The following NBPF9 variants were observed in gnomAD, a reference collection of about 807,000 sequenced individuals.
NBPF9 encodes NBPF member 9.
A neutral mutation model predicts 97.8 loss-of-function variants in NBPF9; 91 were observed. The observed-to-expected ratio is 0.93, with a 90% CI of 0.79 to 1.11. The LOEUF is 1.11. NBPF9 is among the 50% of genes least tolerant of loss of function. NBPF9 has a pLI of 0.00. For synonymous variants in NBPF9, 334 were observed against 359.5 expected, an observed-to-expected ratio of 0.93 and a Z score of 0.80; for missense variants, 992 against 939.5, an observed-to-expected ratio of 1.06 and a Z score of -0.73.
rs587667177 is a variant in NBPF9, at chr1:149,063,548, C to G, written c.2026+85G>C. On this transcript the variant is annotated intron_variant, in intron 20 of 29. Coordinates refer to ENST00000584027, the Ensembl canonical transcript of NBPF9. ...TCCCTGTGGCAATGACATCTCTCAGCTCAGTAACGGCCACTTGCAGTAGGA... is the reference window on the plus strand; with the variant it reads ...TCCCTGTGGCAATGACATCTCTCAGGTCAGTAACGGCCACTTGCAGTAGGA... The G allele has an allele frequency of 5.8e-4, 403 of 699,896 alleles. 129 individuals carry two copies. The East Asian group carries it at 0.015, about 26-fold the overall frequency. The allele number at this position is 699,896 out of a possible 1,614,324, so 43.4% of individuals were successfully genotyped here. A position where few individuals can be genotyped will look rare whatever the true frequency, so the allele number is the denominator to read the frequency against.
At chr1:149,068,886 C>T (rs320827) in intron 17 of NBPF9, among the ~76,000 whole-genome samples, 44,054 of 146,132 alleles carry the variant, frequency 0.3, 5,121 homozygotes, top group Non-Finnish European at 0.34. Flanking sequence ...GTAAAGCACT[C>T]GTCAGCAAAT....
At chr1:149,064,838 G>C in intron 18 of NBPF9, 1 of 544,070 alleles carries the variant, frequency 1.8e-6, no homozygotes, top group South Asian at 2.1e-5. Flanking sequence ...CAAATACCCA[G>C]AATTTGATAG....
intron 16 of NBPF9, among the ~76,000 whole-genome samples, chr1:149,070,536 C>A (rs2079320595): frequency 6.6e-6 from 1 of 150,426 alleles, no homozygotes; most frequent in African/African-American, 2.4e-5. Context: ...AGCAGTGAAG[C>A]CTGGGGAACG....
At position 149,062,085 on chromosome 1, in the gene NBPF9, G is replaced by A. The variant is rs782604296; in HGVS notation, c.2251+8C>T. 1.9e-6 allele frequency: 2 copies of A among 1,065,340 alleles called. No individual in the cohort carries two copies. The highest frequency in any genetic ancestry group is 2.5e-5 in the East Asian group (1 of 39,864). 66.0% of individuals were successfully genotyped at this position (1,065,340 alleles called of 1,614,324 possible). ...GGAGGCTTATCACCTTCATAGTAAGGTACTCACTGTCCAAGTCAAGAGCCA... is the reference window on the plus strand; with the variant it reads ...GGAGGCTTATCACCTTCATAGTAAGATACTCACTGTCCAAGTCAAGAGCCA... On this transcript the variant is annotated splice_region_variant and intron_variant, in intron 22 of 29. Coordinates refer to ENST00000584027, the Ensembl canonical transcript of NBPF9.
At chr1:149,087,951 G>A (rs2152918317) in intron 5 of NBPF9, among the ~76,000 whole-genome samples, 2 of 149,186 alleles carry the variant, frequency 1.3e-5, no homozygotes, top group East Asian at 4.5e-4. Context: ...TCCTGCCTCA[G>A]CCTCCCAAGT....
intron 26 of NBPF9, 125 bp downstream of exon 26, chr1:149,058,800 G>T: frequency 1.5e-6 from 1 of 683,602 alleles, no homozygotes; most frequent in African/African-American, 1.9e-5. Context: ...CAACCTATAT[G>T]CGCCCATAGG....
intron 12 of NBPF9, 97 bp downstream of exon 12, chr1:149,075,558 G>A (rs2079787897): frequency 2.1e-6 from 3 of 1,418,314 alleles, no homozygotes; most frequent in Admixed American, 3.4e-5. Flanking sequence ...AGTATGGGGA[G>A]GATGACATTA....
At chr1:149,076,400 T>C (rs1212997806) in intron 11 of NBPF9, among the ~76,000 whole-genome samples, 2 of 151,252 alleles carry the variant, frequency 1.3e-5, no homozygotes, top group Non-Finnish European at 3.0e-5. Flanking sequence ...TTTCGCCATC[T>C]TGGACAGGCT....
intron 11 of NBPF9, among the ~76,000 whole-genome samples, chr1:149,076,287 GC>G (rs1480174963): frequency 6.7e-6 from 1 of 150,322 alleles, no homozygotes; most frequent in Non-Finnish European, 1.5e-5. Flanking sequence ...CACCTCTGCC[GC>G]CCGGGTTCAA....
intron 3 of NBPF9, among the ~76,000 whole-genome samples, chr1:149,100,007 T>C (rs1473950600): frequency 1.4e-5 from 2 of 146,344 alleles, no homozygotes; most frequent in African/African-American, 5.0e-5. Context: ...AATGGTTCGA[T>C]GTAGTCCTAA....
intron 29 of NBPF9, 138 bp from the exon 30 acceptor site, chr1:149,056,037 T>TAAA (rs1553648860): frequency 1.9e-4 from 277 of 1,432,212 alleles, no homozygotes; most frequent in Admixed American, 1.0e-3. Context: ...AAAAAAAAAT[T>TAAA]TATTGCCTTT....
At chr1:149,085,245 G>T (rs1318563396) in intron 5 of NBPF9, among the ~76,000 whole-genome samples, 2 of 148,900 alleles carry the variant, frequency 1.3e-5, no homozygotes, top group Admixed American at 1.3e-4. Flanking sequence ...GAATAAAAAA[G>T]ATTCTACTAA....
intron 4 of NBPF9, among the ~76,000 whole-genome samples, chr1:149,097,902 C>T (rs1296196974): frequency 1.4e-4 from 21 of 152,032 alleles, no homozygotes; most frequent in Non-Finnish European, 2.5e-4. Flanking sequence ...TCAAAAGTGG[C>T]CTCTCTTTTA....
At chr1:149,084,731 C>G (rs2080850267) in intron 5 of NBPF9, among the ~76,000 whole-genome samples, 1 of 151,288 alleles carries the variant, frequency 6.6e-6, no homozygotes, top group African/African-American at 2.4e-5. Context: ...ATCACGCCAG[C>G]TGAGGTTGGT....
In NBPF9 at chr1:149,055,915, A is replaced by G. The variant is rs782621805; in HGVS notation, c.3093-16T>C. 2 of 1,611,862 alleles carry G rather than the reference A, an allele frequency of 1.2e-6. No homozygotes were observed. The highest frequency in any genetic ancestry group is 1.7e-6 in the Non-Finnish European group (2 of 1,179,838). ...GCCGTTGAGCCTGGAAAAGGAGACA[A>G]AACTAAAGAAGCAGCCAGGGAAAAT... is the stretch of plus-strand genomic sequence containing the variant. On this transcript the variant is annotated splice_polypyrimidine_tract_variant and intron_variant, in intron 29 of 29. Coordinates refer to ENST00000584027, the Ensembl canonical transcript of NBPF9.
At chr1:149,056,144 T>C (rs1553648926) in intron 29 of NBPF9, among the ~76,000 whole-genome samples, 3 of 151,750 alleles carry the variant, frequency 2.0e-5, no homozygotes, top group African/African-American at 7.3e-5. Flanking sequence ...AGCTAGTGAA[T>C]TGGCCAGGTG....
rs376167823 is a variant in NBPF9, at chr1:149,070,905, G to T, written c.1585+29C>A. ...TTTATCTTCCTCAGCCTAGAGAGAG[G>T]TATGAGACACAAGGAAAACAGAGGC... is the stretch of plus-strand genomic sequence containing the variant. On this transcript the variant is annotated intron_variant, in intron 16 of 29. Coordinates refer to ENST00000584027, the Ensembl canonical transcript of NBPF9. 12,341 of 1,608,466 alleles carry T rather than the reference G, an allele frequency of 7.7e-3. 825 individuals are homozygous for T. In the African/African-American group the frequency reaches 0.14, roughly 19 times the overall value.
intron 16 of NBPF9, among the ~76,000 whole-genome samples, 181 bp downstream of exon 16, chr1:149,070,753 A>T (rs1442418160): frequency 6.6e-6 from 1 of 152,084 alleles, no homozygotes; most frequent in Non-Finnish European, 1.5e-5. Context: ...GTAACTTGAT[A>T]CTGGGGACTG....
intron 16 of NBPF9, among the ~76,000 whole-genome samples, chr1:149,070,653 C>T (rs1575835929): frequency 6.6e-6 from 1 of 151,784 alleles, no homozygotes; most frequent in African/African-American, 2.4e-5. Flanking sequence ...ACAAGAGATA[C>T]TGAATCGAAG....
Sources: allele counts gnomAD v4.1 joint callset (sites outside exome capture counted in the v4.1 genomes callset), GRCh38; gene constraint gnomAD v4.1.1; transcripts MANE v1.5; gene names NCBI Gene and HGNC (gene_info 2026-07-23, HGNC 2026-07-21).